The following PRMT3 variants were observed in gnomAD, a reference collection of about 807,000 sequenced individuals.
PRMT3 encodes the protein protein arginine methyltransferase 3, also known as protein arginine N-methyltransferase 3.
PRMT3 carries 62 observed loss-of-function variants against 71.9 expected under a neutral mutation model. The observed-to-expected ratio is 0.86, with a 90% CI of 0.70 to 1.07. The LOEUF (loss-of-function observed/expected upper bound fraction) is 1.07, where lower values mean the gene tolerates loss of function less well. PRMT3 is among the 50% of genes least tolerant of loss of function. The probability of loss-of-function intolerance (pLI) is 0.00; values close to 1 mark genes in which losing one functional copy is unlikely to be tolerated. For synonymous variants in PRMT3, 213 were observed against 220.4 expected (o/e 0.97, Z 0.30); for missense variants, 663 against 643.0 (o/e 1.03, Z -0.34).
At chr11:20,418,521 G>C (rs1305736590) in intron 9 of PRMT3, among the ~76,000 whole-genome samples, 1 of 152,010 alleles carries the variant, frequency 6.6e-6, no homozygotes, top group Non-Finnish European at 1.5e-5. Flanking sequence ...ATACAAATAG[G>C]TTTATAACTT....
chr11:20,498,500 A>G (rs1469081648), intron 15 of PRMT3, among the ~76,000 whole-genome samples: 1 of 152,192 alleles, frequency 6.6e-6, no homozygotes, highest in Non-Finnish European at 1.5e-5. Flanking sequence ...AGGCCGAGGC[A>G]GGCAGATTGC....
intron 5 of PRMT3, chr11:20,393,907 A>G (rs1848770060): frequency 6.6e-6 from 1 of 152,216 alleles, no homozygotes; most frequent in Non-Finnish European, 1.5e-5. Flanking sequence ...TAGTTTGGAA[A>G]TATTTTGTTG....
chr11:20,506,467 C>T (rs935866629), intron 15 of PRMT3, among the ~76,000 whole-genome samples: 6 of 138,252 alleles, frequency 4.3e-5, no homozygotes, highest in African/African-American at 1.5e-4. Flanking sequence ...TATTTAACTC[C>T]TTAATTATGT....
At chr11:20,428,871 G>C (rs1294137101) in intron 10 of PRMT3, among the ~76,000 whole-genome samples, 1 of 152,148 alleles carries the variant, frequency 6.6e-6, no homozygotes, top group African/African-American at 2.4e-5. Context: ...TATTTCTTTT[G>C]TGGTTCCACT....
chr11:20,474,741 C>T lies in PRMT3; in HGVS notation c.1347+10195C>T, dbSNP rs115254388. ...GTTCTTCAGTACTGCAAGGAAAAAT[C>T]AGCATTTAGACAAAAAGTTCTCTCA... On this transcript the variant is annotated intron_variant, in intron 13 of 15. Coordinates refer to ENST00000331079, the MANE Select transcript of PRMT3 (RefSeq NM_005788.4). Among the ~76,000 whole-genome samples the T allele has an allele frequency of 9.5e-3, 1,454 of 152,314 alleles. 31 individuals carry two copies. Among genetic ancestry groups the T allele is most frequent in the African/African-American group, 0.034 (1,403 of 41,566 alleles).
chr11:20,492,534 A>G (rs1357857357), intron 13 of PRMT3, among the ~76,000 whole-genome samples: 4 of 152,220 alleles, frequency 2.6e-5, no homozygotes, highest in African/African-American at 4.8e-5. Context: ...TACCAGATCA[A>G]TAAAATGTCA....
intron 11 of PRMT3, among the ~76,000 whole-genome samples, chr11:20,454,076 G>T (rs1850214515): frequency 1.3e-5 from 2 of 152,040 alleles, no homozygotes; most frequent in Non-Finnish European, 2.9e-5. Flanking sequence ...TATGTTACTA[G>T]ACATAATCCT....
chr11:20,420,370 T>A (rs1402674129), intron 9 of PRMT3, among the ~76,000 whole-genome samples: 1 of 152,184 alleles, frequency 6.6e-6, no homozygotes, highest in African/African-American at 2.4e-5. Context: ...TAGAAAGCAG[T>A]GTCCTAATAT....
At chr11:20,394,803 A>T (rs1257789296) in intron 5 of PRMT3, among the ~76,000 whole-genome samples, 1 of 152,154 alleles carries the variant, frequency 6.6e-6, no homozygotes, top group East Asian at 1.9e-4. Flanking sequence ...AATTCCACAC[A>T]AGAGTGAGAT....
At chr11:20,461,161 GATTGT>G (rs1278283648) in intron 11 of PRMT3, among the ~76,000 whole-genome samples, 2 of 152,086 alleles carry the variant, frequency 1.3e-5, no homozygotes, top group Admixed American at 6.6e-5. Flanking sequence ...CTCTCAATTA[GATTGT>G]ATATGGGCCA....
intron 13 of PRMT3, among the ~76,000 whole-genome samples, chr11:20,493,475 C>CTGAGTAG (rs1207369268): frequency 3.3e-5 from 5 of 152,228 alleles, no homozygotes; most frequent in Admixed American, 6.5e-5. Flanking sequence ...CTGGACTTAA[C>CTGAGTAG]TGAGTAGTGC....
At chr11:20,410,503 G>A (rs547785580) in intron 9 of PRMT3, among the ~76,000 whole-genome samples, 4,379 of 130,012 alleles carry the variant, frequency 0.034, 217 homozygotes, top group African/African-American at 0.11. Flanking sequence ...AAATAAATAG[G>A]TAGTTGTGTA....
At chr11:20,483,694 TAGA>T (rs1284693271) in intron 13 of PRMT3, among the ~76,000 whole-genome samples, 3 of 152,322 alleles carry the variant, frequency 2.0e-5, no homozygotes, top group East Asian at 1.9e-4. Context: ...GACATTCATT[TAGA>T]AGGAGAGGCC....
intron 10 of PRMT3, 69 bp downstream of exon 10, chr11:20,426,934 A>T (rs912983207): frequency 6.9e-7 from 1 of 1,443,570 alleles, no homozygotes; most frequent in Non-Finnish European, 9.0e-7. Context: ...AATAGTTTTC[A>T]TGAATTTAAT....
chr11:20,460,342 T>C (rs1205902137), intron 11 of PRMT3, among the ~76,000 whole-genome samples: 1 of 152,232 alleles, frequency 6.6e-6, no homozygotes, highest in African/African-American at 2.4e-5. Context: ...TTTTAATTCA[T>C]GAGTACCCTA....
chr11:20,462,665 A>T (rs1850413007), intron 12 of PRMT3, among the ~76,000 whole-genome samples: 2 of 152,090 alleles, frequency 1.3e-5, no homozygotes, highest in South Asian at 4.1e-4. Flanking sequence ...TTCTCAGTTA[A>T]TTCCTTTTGT....
intron 15 of PRMT3, among the ~76,000 whole-genome samples, chr11:20,500,199 C>G (rs973607143): frequency 6.6e-6 from 1 of 152,072 alleles, no homozygotes; most frequent in Non-Finnish European, 1.5e-5. Flanking sequence ...ATAAATTTAA[C>G]AAAATATATG....
chr11:20,450,818 C>T (rs1235365573), intron 10 of PRMT3, among the ~76,000 whole-genome samples: 1 of 151,978 alleles, frequency 6.6e-6, no homozygotes, highest in East Asian at 1.9e-4. Flanking sequence ...CTAGAGAAAC[C>T]TTTAAAATGT....
At chr11:20,469,792 A>G (rs1432045618) in intron 13 of PRMT3, among the ~76,000 whole-genome samples, 1 of 152,004 alleles carries the variant, frequency 6.6e-6, no homozygotes, top group Non-Finnish European at 1.5e-5. Context: ...TAGTTTTTAT[A>G]TCTTAATTTC....
Sources: allele counts gnomAD v4.1 joint callset (sites outside exome capture counted in the v4.1 genomes callset), GRCh38; gene constraint gnomAD v4.1.1; transcripts MANE v1.5; gene names NCBI Gene and HGNC (gene_info 2026-07-23, HGNC 2026-07-21).